ASAH2: variants seen among roughly 807,000 people sequenced by gnomAD.
The protein encoded by ASAH2 is neutral ceramidase.
A neutral mutation model predicts 82.9 loss-of-function variants in ASAH2; 58 were observed. The ratio of observed to expected loss-of-function variants is 0.70; its 90% CI spans 0.57 to 0.87. ASAH2 has a LOEUF of 0.87. Among genes scored for constraint, ASAH2 ranks in the 40% least tolerant of loss-of-function variants. ASAH2 has a pLI of 0.00. For missense variants in ASAH2, 779 were observed against 834.0 expected, an observed-to-expected ratio of 0.93 and a Z score of 0.81; for synonymous variants, 276 against 289.7, an observed-to-expected ratio of 0.95 and a Z score of 0.48.
intron 18 of ASAH2, among the ~76,000 whole-genome samples, chr10:50,193,155 C>A (rs1424583749): frequency 8.3e-4 from 117 of 141,120 alleles, no homozygotes; most frequent in African/African-American, 2.0e-3. Flanking sequence ...TTATCCTCCC[C>A]CCTGAAACGA....
chr10:50,243,148 C>G, intron 4 of ASAH2, 54 bp downstream of exon 4: 1 of 1,593,976 alleles, frequency 6.3e-7, no homozygotes, highest in South Asian at 1.1e-5. Context: ...CATTCACCCA[C>G]TTTTCCTTAA....
intron 3 of ASAH2, 143 bp from the exon 4 acceptor site, chr10:50,243,494 G>T: frequency 2.4e-6 from 2 of 849,458 alleles, no homozygotes; most frequent in Non-Finnish European, 1.7e-6. Context: ...GAGGATATAT[G>T]TTTCAAAAAT....
At chr10:50,233,158 T>A (rs1346337273) in intron 7 of ASAH2, 26 bp downstream of exon 7, 9 of 1,524,288 alleles carry the variant, frequency 5.9e-6, no homozygotes, top group Non-Finnish European at 8.2e-6. Flanking sequence ...CCCGACAGAA[T>A]TATTTTTAAA....
intron 15 of ASAH2, 35 bp from the exon 16 acceptor site, chr10:50,202,959 C>G: frequency 7.7e-7 from 1 of 1,296,098 alleles, no homozygotes; most frequent in Non-Finnish European, 1.1e-6. Flanking sequence ...TAAAATTACT[C>G]TTCATCTTTA....
intron 2 of ASAH2, among the ~76,000 whole-genome samples, chr10:50,247,208 A>G (rs1239943932): frequency 6.6e-6 from 1 of 151,442 alleles, no homozygotes; most frequent in Non-Finnish European, 1.5e-5. Context: ...ACTGGAGTGC[A>G]GTGGCGTGAT....
At chr10:50,250,135 G>A (rs1846578192) in intron 1 of ASAH2, among the ~76,000 whole-genome samples, 1 of 152,152 alleles carries the variant, frequency 6.6e-6, no homozygotes, top group Non-Finnish European at 1.5e-5. Context: ...TGTGCCAAGA[G>A]TTTCCTAAAA....
At chr10:50,229,596 T>C (rs1306212269) in intron 7 of ASAH2, among the ~76,000 whole-genome samples, 2 of 152,192 alleles carry the variant, frequency 1.3e-5, no homozygotes, top group Non-Finnish European at 2.9e-5. Flanking sequence ...CCTCTTGGTA[T>C]AGAAAAACAA....
Position 50,235,958 on chromosome 10 carries a change from G to A in ASAH2, c.617C>T (p.Thr206Ile). 1 of 1,613,370 alleles carries A rather than the reference G, an allele frequency of 6.2e-7. No homozygotes were observed. Among genetic ancestry groups the A allele is most frequent in the Non-Finnish European group, 8.5e-7 (1 of 1,179,500 alleles). The change falls in exon 5 of 21, where the codon ACC becomes ATC. Residue 206 changes from threonine (T) to isoleucine (I), a missense_variant. Coordinates refer to ENST00000682911, the MANE Select transcript of ASAH2 (RefSeq NM_019893.4). ...HSGPAGYFQY[T>I]VFVIASEGFS... is the part of the protein sequence containing the mutation. ...TCCTTCACTGGCAATTACAAACACG[G>A]TATACTGGAAATATCCTGCAGGACC...
chr10:50,238,164 T>C (rs1407794749), intron 4 of ASAH2, among the ~76,000 whole-genome samples: 1 of 152,164 alleles, frequency 6.6e-6, no homozygotes, highest in Non-Finnish European at 1.5e-5. Flanking sequence ...CAGCTCACAA[T>C]GTTTCTGAAT....
rs893853750 is a variant in ASAH2 at position 50,235,966 on chromosome 10, G to A, written c.609C>T (p.Phe203=). The A allele has an allele frequency of 6.2e-7, 1 of 1,613,380 alleles. No individual in the cohort carries two copies. Among genetic ancestry groups the A allele is most frequent in the East Asian group, 2.2e-5 (1 of 44,868 alleles). The part of the protein sequence containing the change: ...THTHSGPAGY[F]QYTVFVIASE... ...TGGCAATTACAAACACGGTATACTG[G>A]AAATATCCTGCAGGACCTGAATGAG... The change falls in exon 5 of 21, where the codon TTC becomes TTT. Residue 203 remains phenylalanine (F), a synonymous_variant. Coordinates refer to ENST00000682911, the MANE Select transcript of ASAH2 (RefSeq NM_019893.4).
intron 9 of ASAH2, among the ~76,000 whole-genome samples, chr10:50,214,441 G>A (rs1396682172): frequency 6.6e-6 from 1 of 152,082 alleles, no homozygotes; most frequent in Non-Finnish European, 1.5e-5. Context: ...TGTGACTTTC[G>A]AAATGCCAAA....
chr10:50,235,917 A>G lies in ASAH2; in HGVS notation c.658T>C (p.Phe220Leu). 1 of 1,613,340 alleles carries G rather than the reference A, an allele frequency of 6.2e-7. No homozygotes were observed. Among genetic ancestry groups the G allele is most frequent in the Non-Finnish European group, 8.5e-7 (1 of 1,179,434 alleles). Reference protein sequence around the residue: ...IASEGFSNQTFQHMVTGILKS... With the variant: ...IASEGFSNQTLQHMVTGILKS... ...AAGATACCAGTGACCATGTGCTGAAAAGTTTGATTGCTAAATCCTTCACTG... is the reference window on the plus strand; with the variant it reads ...AAGATACCAGTGACCATGTGCTGAAGAGTTTGATTGCTAAATCCTTCACTG... The change falls in exon 5 of 21, where the codon TTT becomes CTT. Residue 220 changes from phenylalanine (F) to leucine (L), a missense_variant. Phe to Leu is a conservative substitution (Grantham distance 22). Around this residue, in one of 3 missense-constraint regions of ASAH2, gnomAD observed 759 missense variants for 755.2 expected, o/e 1.00. Transcript: ENST00000682911.
chr10:50,223,876 C>T (rs1845811078), intron 7 of ASAH2, among the ~76,000 whole-genome samples: 1 of 152,102 alleles, frequency 6.6e-6, no homozygotes, highest in African/African-American at 2.4e-5. Flanking sequence ...GCCAATGAAG[C>T]CAAGGATTGA....
intron 7 of ASAH2, among the ~76,000 whole-genome samples, chr10:50,232,870 T>C (rs1220752092): frequency 1.3e-5 from 2 of 152,188 alleles, no homozygotes; most frequent in South Asian, 2.1e-4. Flanking sequence ...GAGATCTTGA[T>C]AACATAATAA....
Position 50,225,195 on chromosome 10 carries a change from G to A in ASAH2, c.894-6565C>T, listed in dbSNP as rs924679545. On this transcript the variant is annotated intron_variant, in intron 7 of 20. Coordinates refer to ENST00000682911, the MANE Select transcript of ASAH2 (RefSeq NM_019893.4). Reference sequence around the variant, plus strand: ...CATGCCTTTAGTCCCAGCACTTTGGGAGGCCAAGGCAGGAGTTTGAAACCA... The same window carrying A: ...CATGCCTTTAGTCCCAGCACTTTGGAAGGCCAAGGCAGGAGTTTGAAACCA... Among the ~76,000 whole-genome samples the A allele has an allele frequency of 4.1e-4, 63 of 152,212 alleles. 2 individuals are homozygous for A. In the East Asian group the frequency reaches 0.012, roughly 29 times the overall value.
chr10:50,244,153 C>T (rs573492808), intron 3 of ASAH2, among the ~76,000 whole-genome samples: 9 of 152,304 alleles, frequency 5.9e-5, no homozygotes, highest in Admixed American at 2.6e-4. Flanking sequence ...TGCAGAACGA[C>T]GTTGTGCTGC....
intron 8 of ASAH2, 88 bp from the exon 9 acceptor site, chr10:50,214,956 G>A (rs1426257961): frequency 1.3e-6 from 2 of 1,516,792 alleles, no homozygotes; most frequent in Non-Finnish European, 1.8e-6. Flanking sequence ...AATCCACTCT[G>A]GCAAACTATT....
At chr10:50,233,160 A>AT in intron 7 of ASAH2, 24 bp downstream of exon 7, 1 of 1,540,402 alleles carries the variant, frequency 6.5e-7, no homozygotes, top group Non-Finnish European at 9.0e-7. Context: ...CGACAGAATT[A>AT]TTTTTAAAAA....
At chr10:50,204,994 ACTCT>A in intron 13 of ASAH2, 39 bp from the exon 14 acceptor site, 1 of 1,414,610 alleles carries the variant, frequency 7.1e-7, no homozygotes, top group Non-Finnish European at 9.8e-7. Flanking sequence ...TAGGGATAAC[ACTCT>A]CTCTATGGTC....
Sources: allele counts gnomAD v4.1 joint callset (sites outside exome capture counted in the v4.1 genomes callset), GRCh38; gene constraint gnomAD v4.1.1; regional missense constraint gnomAD v4.1.1; transcripts MANE v1.5; gene names NCBI Gene and HGNC (gene_info 2026-07-23, HGNC 2026-07-21).